The following RAPGEF4 variants were observed in gnomAD, a reference collection of about 807,000 sequenced individuals.
RAPGEF4 encodes the protein RAP guanine-nucleotide-exchange factor (GEF) 4.
Under a neutral mutation model 147.9 loss-of-function variants are expected in RAPGEF4, and 66 were observed. The ratio of observed to expected loss-of-function variants is 0.45; its 90% CI spans 0.37 to 0.55. RAPGEF4 has a LOEUF of 0.55. RAPGEF4 is among the 20% of genes least tolerant of loss of function. RAPGEF4 has a pLI of 0.00. For synonymous variants in RAPGEF4, 419 were observed against 442.7 expected (o/e 0.95, Z 0.67); for missense variants, 1,071 against 1,257.3 (o/e 0.85, Z 2.24).
intron 4 of RAPGEF4, among the ~76,000 whole-genome samples, chr2:172,902,082 A>G (rs1699116782): frequency 6.6e-6 from 1 of 152,138 alleles, no homozygotes; most frequent in African/African-American, 2.4e-5. Context: ...GCAGAAGTAC[A>G]TTCCAGGCAG....
At chr2:173,016,796 C>CT (rs1695547946) in intron 19 of RAPGEF4, among the ~76,000 whole-genome samples, 1 of 152,206 alleles carries the variant, frequency 6.6e-6, no homozygotes, top group Admixed American at 6.5e-5. Context: ...GGAAAATTCA[C>CT]TAACTGCTGC....
At chr2:172,940,825 G>A (rs868856338) in intron 6 of RAPGEF4, among the ~76,000 whole-genome samples, 34 of 152,202 alleles carry the variant, frequency 2.2e-4, no homozygotes, top group Middle Eastern at 3.4e-3. Flanking sequence ...AAGAACTGAC[G>A]TCTTAACAGT....
intron 10 of RAPGEF4, among the ~76,000 whole-genome samples, chr2:172,968,559 AC>A (rs1220201979): frequency 6.6e-6 from 1 of 152,054 alleles, no homozygotes; most frequent in Non-Finnish European, 1.5e-5. Flanking sequence ...ACTCTCCCAC[AC>A]CATGTGTTTC....
intron 16 of RAPGEF4, among the ~76,000 whole-genome samples, chr2:173,000,605 C>A (rs1693798163): frequency 6.6e-6 from 1 of 152,198 alleles, no homozygotes; most frequent in Non-Finnish European, 1.5e-5. Context: ...CCCTTGCCAA[C>A]CCCCTGCTTC....
intron 10 of RAPGEF4, among the ~76,000 whole-genome samples, chr2:172,967,971 T>C (rs1690034359): frequency 6.6e-6 from 1 of 152,232 alleles, no homozygotes; most frequent in South Asian, 2.1e-4. Flanking sequence ...ATTGAGCCAC[T>C]GAGGCAGTCT....
intron 1 of RAPGEF4, among the ~76,000 whole-genome samples, chr2:172,774,986 G>T (rs1470521969): frequency 6.6e-6 from 1 of 152,214 alleles, no homozygotes; most frequent in African/African-American, 2.4e-5. Flanking sequence ...AGAGACTTGG[G>T]ACTGGGATAA....
chr2:172,998,267 G>A (rs144065832), intron 16 of RAPGEF4, among the ~76,000 whole-genome samples: 1 of 152,306 alleles, frequency 6.6e-6, no homozygotes, highest in Non-Finnish European at 1.5e-5. Context: ...TAGAGATAGG[G>A]ACAAAGCCAT....
At chr2:172,969,263 G>A (rs1355047599) in intron 10 of RAPGEF4, among the ~76,000 whole-genome samples, 1 of 152,252 alleles carries the variant, frequency 6.6e-6, no homozygotes, top group African/African-American at 2.4e-5. Context: ...TATGTTAGGT[G>A]CTAAGGCATT....
chr2:172,923,652 T>C (rs1684990788), intron 6 of RAPGEF4, among the ~76,000 whole-genome samples: 1 of 152,258 alleles, frequency 6.6e-6, no homozygotes, highest in Admixed American at 6.5e-5. Context: ...TTTCAGTTCC[T>C]AGCTGTGTGG....
In RAPGEF4 at chr2:172,904,768, C is replaced by T. The variant is rs372076899; in HGVS notation, c.445-13034C>T. On this transcript the variant is annotated intron_variant, in intron 4 of 30. Coordinates refer to ENST00000397081, the MANE Select transcript of RAPGEF4 (RefSeq NM_007023.4). ...TCCTCCCTCTTTTCCCCATTTCCAG[C>T]CCCCTTGAGGTGCCACATCTAGGCC... Among the ~76,000 whole-genome samples, 21 of 152,030 alleles carry T rather than the reference C, an allele frequency of 1.4e-4. No homozygotes were observed. The East Asian group carries it at 4.1e-3, about 29-fold the overall frequency.
At chr2:172,885,530 C>T (rs1217033827) in intron 4 of RAPGEF4, among the ~76,000 whole-genome samples, 1 of 152,208 alleles carries the variant, frequency 6.6e-6, no homozygotes, top group African/African-American at 2.4e-5. Context: ...TACAGTTCCA[C>T]GTGGCTGGGA....
At chr2:172,937,984 G>A (rs944821232) in intron 6 of RAPGEF4, among the ~76,000 whole-genome samples, 1 of 151,902 alleles carries the variant, frequency 6.6e-6, no homozygotes, top group African/African-American at 2.4e-5. Context: ...TTTGTTTTAT[G>A]GAGCACTGCC....
intron 4 of RAPGEF4, among the ~76,000 whole-genome samples, chr2:172,856,684 C>T (rs1693449865): frequency 1.3e-5 from 2 of 152,196 alleles, no homozygotes; most frequent in African/African-American, 2.4e-5. Flanking sequence ...TTGGAGTCTG[C>T]TTCACATATG....
At chr2:172,803,140 G>T (rs1319401178) in intron 3 of RAPGEF4, among the ~76,000 whole-genome samples, 1 of 152,200 alleles carries the variant, frequency 6.6e-6, no homozygotes, top group African/African-American at 2.4e-5. Flanking sequence ...GAGGATACCA[G>T]CTGTTTTCAC....
chr2:172,905,948 G>A (rs1699584138), intron 4 of RAPGEF4, among the ~76,000 whole-genome samples: 1 of 152,218 alleles, frequency 6.6e-6, no homozygotes, highest in South Asian at 2.1e-4. Flanking sequence ...GGCAGTGCAT[G>A]TGGCTTTAAA....
chr2:172,992,455 G>A lies in RAPGEF4; in HGVS notation c.1490+1530G>A, dbSNP rs375483552. ...TTAAACTAATGCTTCAGATGTCTGG[G>A]GAAAATTATGCTTACTGAAAAGGCA... On this transcript the variant is annotated intron_variant, in intron 15 of 30. Coordinates refer to ENST00000397081, the MANE Select transcript of RAPGEF4 (RefSeq NM_007023.4). Among the ~76,000 whole-genome samples, 46 of 152,268 alleles carry A rather than the reference G, an allele frequency of 3.0e-4. 1 individual carries two copies. In the South Asian group the frequency reaches 6.6e-3, roughly 22 times the overall value.
chr2:172,924,455 A>C (rs1172463504), intron 6 of RAPGEF4, among the ~76,000 whole-genome samples: 1 of 152,236 alleles, frequency 6.6e-6, no homozygotes, highest in East Asian at 1.9e-4. Flanking sequence ...TCTCCCTAAT[A>C]CTAGTAGTAG....
rs138249993 is a variant in RAPGEF4, at chr2:172,890,111, T to C, written c.445-27691T>C. 1.5e-3 allele frequency among the ~76,000 whole-genome samples: 225 copies of C among 152,356 alleles called. 1 individual carries two copies. Among genetic ancestry groups the C allele is most frequent in the African/African-American group, 5.0e-3 (209 of 41,584 alleles). On this transcript the variant is annotated intron_variant, in intron 4 of 30. Transcript: ENST00000397081. ...GAACATGTAAGGAAGGAAGGTCCAA[T>C]GTGAACCGAAAATAATTTAGAGGGT...
intron 15 of RAPGEF4, among the ~76,000 whole-genome samples, chr2:172,995,690 A>G (rs908847877): frequency 5.9e-5 from 9 of 152,184 alleles, no homozygotes; most frequent in Non-Finnish European, 1.0e-4. Flanking sequence ...GCTCCCACAT[A>G]GTAGTGTTTT....
Sources: allele counts gnomAD v4.1 joint callset (sites outside exome capture counted in the v4.1 genomes callset), GRCh38; gene constraint gnomAD v4.1.1; transcripts MANE v1.5; gene names NCBI Gene and HGNC (gene_info 2026-07-23, HGNC 2026-07-21).